CRIPTO: variants seen among roughly 807,000 people sequenced by gnomAD.
CRIPTO encodes the protein cripto, EGF-CFC family member.
chr3:46,578,443 G>A, the CRIPTO span, among the ~76,000 whole-genome samples: 6 of 151,958 alleles, frequency 3.9e-5, no homozygotes, highest in South Asian at 2.1e-4. Context: ...GGCCGGGTGC[G>A]GTGGCTCACG....
chr3:46,578,792 G>T, the CRIPTO span, among the ~76,000 whole-genome samples: 2 of 152,134 alleles, frequency 1.3e-5, no homozygotes, highest in African/African-American at 4.8e-5. Flanking sequence ...TATGAAAATT[G>T]TATGCAGGGG....
At chr3:46,575,491 T>C in the CRIPTO span, among the ~76,000 whole-genome samples, 4 of 152,026 alleles carry the variant, frequency 2.6e-5, no homozygotes, top group African/African-American at 9.7e-5. Context: ...CTATGGGGAA[T>C]GGGAATCTCT....
chr3:46,581,119 C>G, the CRIPTO span: 1 of 1,603,094 alleles, frequency 6.2e-7, no homozygotes, highest in Non-Finnish European at 8.5e-7. Flanking sequence ...GACCAAGCAT[C>G]CCTACCTTCC....
the CRIPTO span, chr3:46,581,856 G>C: frequency 5.7e-6 from 1 of 174,774 alleles, no homozygotes; most frequent in Non-Finnish European, 1.2e-5. Context: ...TTCTTAATAT[G>C]TTCTTTTAAA....
At chr3:46,580,168 G>A in the CRIPTO span, 1 of 1,464,108 alleles carries the variant, frequency 6.8e-7, no homozygotes, top group South Asian at 1.2e-5. Context: ...CTAGAGCCTG[G>A]CAGCCAAAGT....
the CRIPTO span, chr3:46,581,412 A>G: frequency 1.5e-6 from 1 of 685,398 alleles, no homozygotes; most frequent in Non-Finnish European, 2.6e-6. Flanking sequence ...TCCTTACAGA[A>G]CTACTTCTTA....
the CRIPTO span, among the ~76,000 whole-genome samples, chr3:46,574,923 G>A: frequency 6.6e-6 from 1 of 152,140 alleles, no homozygotes; most frequent in East Asian, 1.9e-4. Context: ...ATGTCTCAAG[G>A]GCAGTACCAA....
the CRIPTO span, chr3:46,578,971 G>A: frequency 4.1e-5 from 45 of 1,090,846 alleles, 1 homozygote; most frequent in Admixed American, 7.7e-4. Context: ...AAAGAAAGAT[G>A]GTGCTCTACA....
At chr3:46,580,588 C>T in the CRIPTO span, among the ~76,000 whole-genome samples, 6 of 151,474 alleles carry the variant, frequency 4.0e-5, no homozygotes, top group Non-Finnish European at 8.8e-5. Flanking sequence ...AACCCTTTCA[C>T]CTTCTTGATT....
chr3:46,579,018 T>A, the CRIPTO span: 21 of 1,501,944 alleles, frequency 1.4e-5, no homozygotes, highest in Admixed American at 1.0e-4. Context: ...GTCCTTGTGA[T>A]GAGAGGACCT....
At chr3:46,574,909 C>T in the CRIPTO span, among the ~76,000 whole-genome samples, 2 of 152,198 alleles carry the variant, frequency 1.3e-5, no homozygotes, top group Non-Finnish European at 2.9e-5. Flanking sequence ...GTTTTTAATA[C>T]ACAATGTCTC....
the CRIPTO span, among the ~76,000 whole-genome samples, chr3:46,575,966 A>C: frequency 6.6e-6 from 1 of 152,148 alleles, no homozygotes; most frequent in South Asian, 2.1e-4. Flanking sequence ...CCGGCCTCCT[A>C]GAGCTTCAGG....
the CRIPTO span, chr3:46,579,907 G>T: frequency 6.2e-7 from 1 of 1,614,176 alleles, no homozygotes; most frequent in Non-Finnish European, 8.5e-7. Flanking sequence ...AAGGGAAGTG[G>T]AAATTTCAGA....
chr3:46,582,138 G>C, the CRIPTO span: 1 of 152,150 alleles, frequency 6.6e-6, no homozygotes, highest in Non-Finnish European at 1.5e-5. Context: ...AGAGAAGCAA[G>C]TAAAAAGGCT....
chr3:46,579,817 T>C, the CRIPTO span: 1 of 1,613,884 alleles, frequency 6.2e-7, no homozygotes, highest in South Asian at 1.1e-5. Flanking sequence ...CCTCCCTCCT[T>C]CTACGGACGG....
the CRIPTO span, chr3:46,579,976 A>T: frequency 2.5e-6 from 4 of 1,614,204 alleles, no homozygotes. Flanking sequence ...GCCCCATGAC[A>T]CCTGGCTGCC....
the CRIPTO span, among the ~76,000 whole-genome samples, chr3:46,575,382 C>T: frequency 6.6e-6 from 1 of 152,178 alleles, no homozygotes; most frequent in African/African-American, 2.4e-5. Context: ...CTCTTAAACA[C>T]CACAGCCCTT....
At chr3:46,578,385 C>CAAAA in the CRIPTO span, among the ~76,000 whole-genome samples, 35 of 134,712 alleles carry the variant, frequency 2.6e-4, no homozygotes, top group African/African-American at 7.7e-4. Context: ...AAAAAAAAAC[C>CAAAA]CACATTTTTT....
At chr3:46,579,778 C>A in the CRIPTO span, 4 of 1,613,118 alleles carry the variant, frequency 2.5e-6, no homozygotes, top group East Asian at 2.2e-5. Context: ...AATGGGGGAA[C>A]CTGCATGCTG....
Sources: gnomAD v4.1 joint callset for allele counts (sites outside exome capture counted in the v4.1 genomes callset) on GRCh38, gnomAD v4.1.1 for gene constraint, MANE v1.5 for transcripts, NCBI Gene and HGNC (gene_info 2026-07-23, HGNC 2026-07-21) for gene names.